Variants in DDX4 observed in about 807,000 individuals in gnomAD.
The protein encoded by DDX4 is probable ATP-dependent RNA helicase DDX4.
DDX4 carries 25 observed loss-of-function variants against 100.0 expected under a neutral mutation model. That is an observed-to-expected ratio of 0.25 (90% CI 0.18 to 0.35). DDX4 has a LOEUF of 0.35. Among genes scored for constraint, DDX4 ranks in the 10% least tolerant of loss-of-function variants. The pLI, the probability that DDX4 is intolerant of heterozygous loss-of-function variation, is 1.00. For missense variants in DDX4, 635 were observed against 882.4 expected (o/e 0.72, Z 3.55); for synonymous variants, 259 against 275.7 (o/e 0.94, Z 0.60).
chr5:55,755,497 C>T (rs1055454079), intron 3 of DDX4, among the ~76,000 whole-genome samples: 7 of 152,020 alleles, frequency 4.6e-5, no homozygotes, highest in Non-Finnish European at 7.4e-5. Context: ...CCTTACGTGA[C>T]TCTTTTATTG....
At chr5:55,757,297 T>C (rs1211053071) in intron 3 of DDX4, among the ~76,000 whole-genome samples, 1 of 152,176 alleles carries the variant, frequency 6.6e-6, no homozygotes, top group Non-Finnish European at 1.5e-5. Context: ...CCAAAGTCCA[T>C]TGTATCATTC....
chr5:55,769,741 C>T (rs1236140381), intron 7 of DDX4, among the ~76,000 whole-genome samples: 6 of 152,094 alleles, frequency 3.9e-5, no homozygotes, highest in South Asian at 2.1e-4. Flanking sequence ...AGCTGGAAAG[C>T]GTCACATTAC....
intron 3 of DDX4, chr5:55,750,481 C>A: frequency 6.4e-6 from 1 of 155,364 alleles, no homozygotes. Context: ...GGGGGTGCAC[C>A]ACTGAATGAC....
chr5:55,767,026 G>C, intron 6 of DDX4: 1 of 1,484,884 alleles, frequency 6.7e-7, no homozygotes, highest in Non-Finnish European at 8.9e-7. Context: ...AAAACTCTGG[G>C]AATGTTACTT....
intron 17 of DDX4, among the ~76,000 whole-genome samples, chr5:55,797,727 T>C (rs1262873686): frequency 6.6e-6 from 1 of 152,210 alleles, no homozygotes; most frequent in Non-Finnish European, 1.5e-5. Context: ...CCTATATTTC[T>C]ATGTGATCTA....
intron 10 of DDX4, 88 bp downstream of exon 10, chr5:55,782,069 A>T (rs1387338394): frequency 6.7e-7 from 1 of 1,481,894 alleles, no homozygotes; most frequent in Non-Finnish European, 9.3e-7. Context: ...GTTGGAAACA[A>T]ATTTAATTTT....
In DDX4 at chr5:55,787,834, C is replaced by T. The variant is rs189142316; in HGVS notation, c.1018-12C>T. Reference sequence around the variant, plus strand: ...TGCTATAAGTTTGTAAACTAAGCAACTTAACTTCTAGGCGGCTTTTCTCCT... The same window carrying T: ...TGCTATAAGTTTGTAAACTAAGCAATTTAACTTCTAGGCGGCTTTTCTCCT... On this transcript the variant is annotated splice_polypyrimidine_tract_variant and intron_variant, in intron 14 of 21. Transcript: ENST00000505374. 33 of 1,610,288 alleles carry T rather than the reference C, an allele frequency of 2.0e-5. No individual in the cohort carries two copies. In the African/African-American group the frequency reaches 2.1e-4, roughly 10 times the overall value.
At chr5:55,749,284 T>C (rs753854345) in intron 3 of DDX4, among the ~76,000 whole-genome samples, 1 of 152,052 alleles carries the variant, frequency 6.6e-6, no homozygotes, top group Non-Finnish European at 1.5e-5. Flanking sequence ...TTTTAAAAAT[T>C]AGCTGGGCGT....
At chr5:55,784,567 C>T (rs1742130071) in intron 10 of DDX4, among the ~76,000 whole-genome samples, 1 of 152,330 alleles carries the variant, frequency 6.6e-6, no homozygotes, top group South Asian at 2.1e-4. Context: ...GGGACGGGTT[C>T]CCACCATCCT....
At chr5:55,776,007 G>A (rs1741538540) in intron 7 of DDX4, among the ~76,000 whole-genome samples, 1 of 152,114 alleles carries the variant, frequency 6.6e-6, no homozygotes, top group Non-Finnish European at 1.5e-5. Flanking sequence ...TGTAGTCCCA[G>A]CTACTTGGAG....
intron 18 of DDX4, among the ~76,000 whole-genome samples, chr5:55,810,787 A>C (rs951022560): frequency 1.3e-5 from 2 of 152,132 alleles, no homozygotes; most frequent in African/African-American, 4.8e-5. Context: ...CTTCTTCTAA[A>C]TTTTTAATTT....
At chr5:55,806,382 G>T (rs573526525) in intron 18 of DDX4, among the ~76,000 whole-genome samples, 34 of 152,098 alleles carry the variant, frequency 2.2e-4, no homozygotes, top group African/African-American at 8.0e-4. Context: ...GAATGTGTTT[G>T]CTCTTGCTTC....
chr5:55,751,876 C>T (rs1759572768), intron 3 of DDX4, among the ~76,000 whole-genome samples: 1 of 152,134 alleles, frequency 6.6e-6, no homozygotes, highest in Admixed American at 6.6e-5. Context: ...AAAAAGTAGC[C>T]TCCTACATTA....
At chr5:55,772,205 C>T (rs62361897) in intron 7 of DDX4, among the ~76,000 whole-genome samples, 16,681 of 152,000 alleles carry the variant, frequency 0.11, 1,051 homozygotes, top group Middle Eastern at 0.15. Context: ...AGAGAGACTC[C>T]GTCTAAAACA....
intron 3 of DDX4, among the ~76,000 whole-genome samples, chr5:55,759,644 A>T (rs912238318): frequency 6.6e-6 from 1 of 152,144 alleles, no homozygotes; most frequent in African/African-American, 2.4e-5. Context: ...TAATTTCTTT[A>T]TTCCACTTTG....
At chr5:55,799,583 C>A (rs960694049) in intron 18 of DDX4, among the ~76,000 whole-genome samples, 1 of 152,020 alleles carries the variant, frequency 6.6e-6, no homozygotes, top group African/African-American at 2.4e-5. Context: ...ACCATGTTGC[C>A]CAGGCTGGTC....
chr5:55,768,698 C>T (rs1580545398), intron 7 of DDX4, among the ~76,000 whole-genome samples: 2 of 152,256 alleles, frequency 1.3e-5, no homozygotes, highest in Non-Finnish European at 2.9e-5. Flanking sequence ...TTTGAGAAAT[C>T]GCCACACTGT....
At chr5:55,801,362 C>T (rs528030130) in intron 18 of DDX4, among the ~76,000 whole-genome samples, 1 of 152,036 alleles carries the variant, frequency 6.6e-6, no homozygotes, top group Non-Finnish European at 1.5e-5. Context: ...CTGGTTTAGG[C>T]AATTAGGAAT....
chr5:55,747,599 A>G (rs1759311922), intron 3 of DDX4, among the ~76,000 whole-genome samples: 1 of 152,274 alleles, frequency 6.6e-6, no homozygotes, highest in African/African-American at 2.4e-5. Flanking sequence ...CATAAGATTT[A>G]CCATTTTAAT....
Sources: gnomAD v4.1 joint callset for allele counts (sites outside exome capture counted in the v4.1 genomes callset) on GRCh38, gnomAD v4.1.1 for gene constraint, MANE v1.5 for transcripts, NCBI Gene and HGNC (gene_info 2026-07-23, HGNC 2026-07-21) for gene names.